Variants in SLC22A25 observed in about 807,000 individuals in gnomAD.
SLC22A25 encodes the protein MGI:2442751, MGI:2385316, MGI:3042283, MGI:3645714, MGI:3605624, MGI:2442750.
Under a neutral mutation model 45.9 loss-of-function variants are expected in SLC22A25, and 44 were observed. The observed-to-expected ratio is 0.96, with a 90% confidence interval of 0.75 to 1.23. The LOEUF (loss-of-function observed/expected upper bound fraction) is 1.23, where lower values mean the gene tolerates loss of function less well. SLC22A25 is among the 50% of genes most tolerant of loss of function. The pLI is 0.00. For synonymous variants in SLC22A25, 283 were observed against 238.6 expected (o/e 1.19, Z -1.72); for missense variants, 800 against 666.4 (o/e 1.20, Z -2.21).
At chr11:63,208,907 C>T (rs2089482305) in intron 7 of SLC22A25, among the ~76,000 whole-genome samples, 2 of 152,040 alleles carry the variant, frequency 1.3e-5, no homozygotes, top group South Asian at 4.2e-4. Context: ...GTCTGGTGGA[C>T]CCAAGAGTGA....
Position 63,229,588 on chromosome 11 carries a change from A to G in SLC22A25, c.65T>C (p.Val22Ala), listed in dbSNP as rs751932976. 5 of 1,613,718 alleles carry G rather than the reference A, an allele frequency of 3.1e-6. No homozygotes were observed. The highest frequency in any genetic ancestry group is 4.2e-6 in the Non-Finnish European group (5 of 1,179,710). Residue 22 changes from valine (V) to alanine (A), a missense_variant, in exon 4 of 12, where the codon GTT (valine) becomes GCT (alanine). Transcript: ENST00000306494. Reference protein sequence around the residue: ...GLGRFQILQMVFLIMFNVIVY... With the variant: ...GLGRFQILQMAFLIMFNVIVY... ...TATGACGTTGAACATTATAAGGAAAACCATCTGAAGGATCTGGAATCTCCC... is the reference window on the plus strand; with the variant it reads ...TATGACGTTGAACATTATAAGGAAAGCCATCTGAAGGATCTGGAATCTCCC...
chr11:63,228,711 CA>C, intron 4 of SLC22A25, 147 bp from the exon 5 acceptor site: 1 of 602,436 alleles, frequency 1.7e-6, no homozygotes, highest in Non-Finnish European at 2.9e-6. Flanking sequence ...GTTCAGGTCT[CA>C]ACTTAAGCAC....
At chr11:63,236,030 G>T (rs2090156548) in intron 3 of SLC22A25, among the ~76,000 whole-genome samples, 1 of 152,156 alleles carries the variant, frequency 6.6e-6, no homozygotes, top group South Asian at 2.1e-4. Flanking sequence ...GTACCCAGCT[G>T]TGTGAGGTGT....
intron 7 of SLC22A25, among the ~76,000 whole-genome samples, chr11:63,196,659 G>A (rs2089045301): frequency 6.6e-6 from 1 of 152,108 alleles, no homozygotes; most frequent in Admixed American, 6.5e-5. Flanking sequence ...ATACTGAATG[G>A]GCAAAAACTG....
Position 63,243,457 on chromosome 11 carries a change from C to T in SLC22A25, c.-1019G>A. 1.3e-6 allele frequency: 1 copy of T among 758,904 alleles called. No individual in the cohort carries two copies. Among genetic ancestry groups the T allele is most frequent in the Non-Finnish European group, 2.5e-6 (1 of 404,852 alleles). The allele number at this position is 758,904 out of a possible 1,614,324, so 47.0% of individuals were successfully genotyped here. ...ACCTGGACTGTTTCTTCGCCAGGAT[C>T]CCAACTTCAAAGTCCCATCTGCAAC... On this transcript the variant is annotated 5_prime_UTR_variant, in exon 1 of 12. Coordinates refer to ENST00000306494, the MANE Select transcript of SLC22A25 (RefSeq NM_199352.6).
At chr11:63,166,933 G>C (rs2087704744) in intron 9 of SLC22A25, 1 of 861,192 alleles carries the variant, frequency 1.2e-6, no homozygotes, top group African/African-American at 1.8e-5. Context: ...CCCAGCGAGA[G>C]CAATGCGGAA....
rs377226981 is a variant in SLC22A25 at position 63,190,654 on chromosome 11, TG to T, written c.831-6838del. Reference sequence around the variant, plus strand: ...TTAGAGTTTCCAGTTTTTTTTACTCTGTTTTTTCCCCATCTCTGTGGTTTTA... The same window carrying T: ...TTAGAGTTTCCAGTTTTTTTTACTCTTTTTTTCCCCATCTCTGTGGTTTTA... On this transcript the variant is annotated intron_variant, in intron 7 of 11. Transcript: ENST00000306494. 4.3e-4 allele frequency among the ~76,000 whole-genome samples: 66 copies of T among 152,282 alleles called. 3 individuals carry two copies. Among genetic ancestry groups the T allele is most frequent in the East Asian group, 2.3e-3 (12 of 5,180 alleles).
intron 7 of SLC22A25, among the ~76,000 whole-genome samples, chr11:63,190,765 A>G (rs896459500): frequency 9.9e-5 from 15 of 152,092 alleles, no homozygotes; most frequent in African/African-American, 3.6e-4. Flanking sequence ...TCCTTCTAAC[A>G]GTCAGGACCT....
chr11:63,178,053 T>A (rs1402250845), intron 9 of SLC22A25, among the ~76,000 whole-genome samples: 2 of 3,434 alleles, frequency 5.8e-4, no homozygotes, highest in Non-Finnish European at 0.033. Context: ...TTTTTTGTAT[T>A]TTTATTTATT....
At chr11:63,187,996 C>G (rs971326054) in intron 7 of SLC22A25, among the ~76,000 whole-genome samples, 3 of 152,102 alleles carry the variant, frequency 2.0e-5, no homozygotes, top group African/African-American at 7.2e-5. Flanking sequence ...GGATATTGGT[C>G]TAAAATTCTC....
intron 10 of SLC22A25, 61 bp from the exon 11 acceptor site, chr11:63,164,695 A>C (rs2087619865): frequency 2.2e-6 from 3 of 1,358,940 alleles, no homozygotes; most frequent in Admixed American, 1.7e-5. Context: ...AGCATCTCCC[A>C]AGGTAGAAGT....
At chr11:63,194,471 A>T (rs142858316) in intron 7 of SLC22A25, among the ~76,000 whole-genome samples, 4 of 152,114 alleles carry the variant, frequency 2.6e-5, no homozygotes, top group African/African-American at 9.7e-5. Flanking sequence ...ACTAAGCTTC[A>T]TAAGTGAAGG....
At chr11:63,228,601 G>A (rs748534582) in intron 4 of SLC22A25, 37 bp from the exon 5 acceptor site, 1 of 1,455,830 alleles carries the variant, frequency 6.9e-7, no homozygotes, top group Non-Finnish European at 9.6e-7. Flanking sequence ...AATGCTTATA[G>A]CCCCTCAGTG....
chr11:63,199,745 C>T (rs2089177872), intron 7 of SLC22A25, among the ~76,000 whole-genome samples: 2 of 151,960 alleles, frequency 1.3e-5, no homozygotes. Context: ...AAAAAAAATG[C>T]AGCAAGACAA....
At chr11:63,213,473 G>A (rs1355483153) in intron 7 of SLC22A25, among the ~76,000 whole-genome samples, 1 of 152,134 alleles carries the variant, frequency 6.6e-6, no homozygotes, top group Admixed American at 6.6e-5. Context: ...GGGCATTGGT[G>A]GCTACCACAA....
chr11:63,180,828 A>G, intron 8 of SLC22A25, 53 bp from the exon 9 acceptor site: 1 of 1,326,148 alleles, frequency 7.5e-7, no homozygotes, highest in East Asian at 2.3e-5. Context: ...AATGGTAGGC[A>G]TTGTAAGAGG....
rs895115740 is a variant in SLC22A25, at chr11:63,187,061, GT to G, written c.831-3245del. Among the ~76,000 whole-genome samples the G allele has an allele frequency of 3.9e-5, 6 of 152,180 alleles. 2 individuals carry two copies. Among genetic ancestry groups the G allele is most frequent in the African/African-American group, 1.4e-4 (6 of 41,536 alleles). On this transcript the variant is annotated intron_variant, in intron 7 of 11. Transcript: ENST00000306494. ...TTGGTTCCATATGAACTTTAAAGTA[GT>G]TTTTTCCAATTCTATGAAGAAAGTC...
intron 7 of SLC22A25, among the ~76,000 whole-genome samples, chr11:63,198,049 G>C (rs1345944262): frequency 6.6e-6 from 1 of 152,128 alleles, no homozygotes; most frequent in Non-Finnish European, 1.5e-5. Context: ...CGTTAGAAAG[G>C]CGATCATTAA....
chr11:63,185,082 A>G (rs1329141764), intron 7 of SLC22A25, among the ~76,000 whole-genome samples: 2 of 152,174 alleles, frequency 1.3e-5, no homozygotes. Flanking sequence ...TGACCTGATA[A>G]AGCTGAAAAA....
Sources: gnomAD v4.1 joint callset for allele counts (sites outside exome capture counted in the v4.1 genomes callset) on GRCh38, gnomAD v4.1.1 for gene constraint, MANE v1.5 for transcripts, NCBI Gene and HGNC (gene_info 2026-07-23, HGNC 2026-07-21) for gene names.